Variants in SNX13 observed in about 807,000 individuals in gnomAD.
The protein encoded by SNX13 is sorting nexin-13.
A neutral mutation model predicts 133.6 loss-of-function variants in SNX13; 45 were observed. The ratio of observed to expected loss-of-function variants is 0.34; its 90% CI spans 0.27 to 0.43. The LOEUF is 0.43. SNX13 is among the 20% of genes least tolerant of loss of function. The pLI is 1.00. For synonymous variants in SNX13, 414 were observed against 373.9 expected (o/e 1.11, Z -1.24); for missense variants, 1,032 against 1,145.1 (o/e 0.90, Z 1.43).
At chr7:17,932,442 A>T (rs73069249) in intron 1 of SNX13, among the ~76,000 whole-genome samples, 6,815 of 152,328 alleles carry the variant, frequency 0.045, 188 homozygotes, top group South Asian at 0.097. Context: ...GGTAATTAAT[A>T]TGATGGTTTA....
chr7:17,811,566 T>C (rs1417946397), intron 20 of SNX13, among the ~76,000 whole-genome samples: 2 of 152,156 alleles, frequency 1.3e-5, no homozygotes, highest in African/African-American at 2.4e-5. Flanking sequence ...AAAATGGCCA[T>C]ACTGCCCAAA....
At chr7:17,856,958 G>T (rs1791983812) in intron 9 of SNX13, among the ~76,000 whole-genome samples, 1 of 151,760 alleles carries the variant, frequency 6.6e-6, no homozygotes, top group South Asian at 2.1e-4. Context: ...GTTGAAAAGT[G>T]ATCTTTTAAA....
At chr7:17,895,142 G>GA (rs1362630510) in intron 2 of SNX13, among the ~76,000 whole-genome samples, 2 of 152,098 alleles carry the variant, frequency 1.3e-5, no homozygotes, top group African/African-American at 4.8e-5. Flanking sequence ...GAAACAGACT[G>GA]ATAAGACATT....
intron 18 of SNX13, among the ~76,000 whole-genome samples, chr7:17,816,661 CT>C (rs373196562): frequency 2.6e-5 from 4 of 151,308 alleles, no homozygotes; most frequent in African/African-American, 7.3e-5. Context: ...AAAACTCCGT[CT>C]CAAAAAACAA....
chr7:17,938,899 C>T (rs549161169), intron 1 of SNX13, among the ~76,000 whole-genome samples: 1 of 152,292 alleles, frequency 6.6e-6, no homozygotes, highest in African/African-American at 2.4e-5. Context: ...ACTTATAACT[C>T]TTTTTTCTAA....
chr7:17,793,690 T>C lies in SNX13; in HGVS notation c.*355A>G, dbSNP rs778806263. On this transcript the variant is annotated 3_prime_UTR_variant, in exon 26 of 26. Coordinates refer to ENST00000428135, the MANE Select transcript of SNX13 (RefSeq NM_015132.5). ...AATTAGCCAATTTATCTCTGAACCA[T>C]TGTTTTGTGCTTTCCTTAGCTTTCA... 5.2e-5 allele frequency: 9 copies of C among 174,720 alleles called. No homozygotes were observed. Among genetic ancestry groups the C allele is most frequent in the Non-Finnish European group, 8.5e-5 (7 of 82,172 alleles). 10.8% of individuals were successfully genotyped at this position (174,720 alleles called of 1,614,324 possible).
At chr7:17,905,244 AAAC>A (rs777941132) in intron 1 of SNX13, among the ~76,000 whole-genome samples, 36 of 152,222 alleles carry the variant, frequency 2.4e-4, no homozygotes, top group Admixed American at 5.2e-4. Flanking sequence ...TTTAATATAA[AAAC>A]TACTGTCCTC....
At position 17,834,750 on chromosome 7, in the gene SNX13, CATA is replaced by C. The variant is rs750715538; in HGVS notation, c.1464+8_1464+10del. 4.0e-5 allele frequency: 61 copies of C among 1,514,312 alleles called. No homozygotes were observed. Among genetic ancestry groups the C allele is most frequent in the Non-Finnish European group, 5.3e-5 (58 of 1,093,798 alleles). 93.8% of individuals were successfully genotyped at this position (1,514,312 alleles called of 1,614,324 possible). ...AAAAGATAAAATGATAAATGCTGTA[CATA>C]ATAATACCTTTCTTTGAATGTCATC... On this transcript the variant is annotated splice_region_variant and intron_variant, in intron 14 of 25. Transcript: ENST00000428135.
intron 1 of SNX13, among the ~76,000 whole-genome samples, chr7:17,924,771 T>C (rs764380243): frequency 2.6e-5 from 4 of 152,168 alleles, no homozygotes; most frequent in Admixed American, 6.5e-5. Flanking sequence ...ATCCATACAA[T>C]GGAATGTTAC....
intron 2 of SNX13, among the ~76,000 whole-genome samples, chr7:17,896,523 C>T (rs991038944): frequency 1.3e-5 from 2 of 152,144 alleles, no homozygotes; most frequent in African/African-American, 4.8e-5. Context: ...TCCTCCAAAC[C>T]TATAGGCTCA....
intron 1 of SNX13, among the ~76,000 whole-genome samples, chr7:17,926,076 T>C (rs184077372): frequency 2.9e-3 from 438 of 152,270 alleles, no homozygotes; most frequent in Non-Finnish European, 3.5e-3. Flanking sequence ...TACCTTAAAA[T>C]AGTTGAGCTA....
At chr7:17,840,414 T>C (rs1365898991) in intron 12 of SNX13, among the ~76,000 whole-genome samples, 2 of 151,966 alleles carry the variant, frequency 1.3e-5, no homozygotes, top group Non-Finnish European at 2.9e-5. Flanking sequence ...GAAAATGTCC[T>C]CCAGATAAAA....
intron 13 of SNX13, among the ~76,000 whole-genome samples, chr7:17,839,161 ATATAT>A (rs1256568792): frequency 1.3e-5 from 2 of 149,400 alleles, no homozygotes; most frequent in South Asian, 2.1e-4. Flanking sequence ...ATTACATAAA[ATATAT>A]TCTATAGACG....
intron 1 of SNX13, among the ~76,000 whole-genome samples, chr7:17,914,348 T>C (rs1646385549): frequency 6.6e-6 from 1 of 152,206 alleles, no homozygotes; most frequent in African/African-American, 2.4e-5. Context: ...CCAATCTGTC[T>C]ATAGAGATCA....
At chr7:17,863,319 C>T (rs552936224) in intron 9 of SNX13, among the ~76,000 whole-genome samples, 6 of 152,256 alleles carry the variant, frequency 3.9e-5, no homozygotes, top group South Asian at 2.1e-4. Flanking sequence ...CAGTAGACTT[C>T]GGGTATGACC....
chr7:17,832,901 A>G (rs1788670269), intron 15 of SNX13, among the ~76,000 whole-genome samples: 1 of 151,476 alleles, frequency 6.6e-6, no homozygotes, highest in Non-Finnish European at 1.5e-5. Flanking sequence ...TCACTAGTGT[A>G]GACACAGGGA....
Position 17,864,837 on chromosome 7 carries a change from AGG to A in SNX13, c.837+3568_837+3569del, listed in dbSNP as rs1793180947. 2.6e-5 allele frequency among the ~76,000 whole-genome samples: 4 copies of A among 151,952 alleles called. No individual in the cohort carries two copies. In the South Asian group the frequency reaches 8.3e-4, roughly 32 times the overall value. The stretch of plus-strand genomic sequence containing the variant: ...GGGAAGGAGGAAGAGGAAGAGGAGG[AGG>A]AGGAGGAGCAGCAGCAGCAGCAAAT... On this transcript the variant is annotated intron_variant, in intron 9 of 25. Coordinates refer to ENST00000428135, the MANE Select transcript of SNX13 (RefSeq NM_015132.5).
intron 1 of SNX13, among the ~76,000 whole-genome samples, chr7:17,908,007 C>G (rs979087092): frequency 3.9e-5 from 6 of 152,188 alleles, no homozygotes; most frequent in African/African-American, 1.4e-4. Context: ...CAACTACACA[C>G]TGAACGCTCC....
chr7:17,854,826 G>T (rs1562779011), intron 9 of SNX13, among the ~76,000 whole-genome samples: 1 of 152,084 alleles, frequency 6.6e-6, no homozygotes, highest in African/African-American at 2.4e-5. Context: ...ACCCTACAAT[G>T]AACTCTTAAG....
Sources: gnomAD v4.1 joint callset for allele counts (sites outside exome capture counted in the v4.1 genomes callset) on GRCh38, gnomAD v4.1.1 for gene constraint, MANE v1.5 for transcripts, NCBI Gene and HGNC (gene_info 2026-07-23, HGNC 2026-07-21) for gene names.